KCNH2: variants seen among roughly 807,000 people sequenced by gnomAD.
KCNH2 encodes the protein potassium voltage-gated channel subfamily H member 2.
A neutral mutation model predicts 95.9 loss-of-function variants in KCNH2; 35 were observed. The observed-to-expected ratio is 0.37, with a 90% CI of 0.28 to 0.48. The LOEUF (loss-of-function observed/expected upper bound fraction) is 0.48. Among genes scored for constraint, KCNH2 ranks in the 20% least tolerant of loss-of-function variants. The pLI is 0.99. For missense variants in KCNH2, 1,274 were observed against 1,702.9 expected (o/e 0.75, Z 4.43); for synonymous variants, 786 against 754.7 (o/e 1.04, Z -0.68).
At position 150,948,900 on chromosome 7, in the gene KCNH2, C is replaced by T. The variant is rs1036885088; in HGVS notation, c.2548G>A (p.Asp850Asn). ...ATCTCCAGGCTGGACCAGAAGTGGT[C>T]GGAGAACTCAGGGTACATGTCCAGC... ...EVLDMYPEFS[D>N]HFWSSLEITF... The change falls in exon 10 of 15, where the codon GAC becomes AAC. Residue 850 changes from aspartate (D) to asparagine (N), a missense_variant. Physicochemically the swap from Asp to Asn is conservative, Grantham distance 23. Transcript: ENST00000262186. The T allele has an allele frequency of 3.1e-6, 5 of 1,614,180 alleles. No individual in the cohort carries two copies. Among genetic ancestry groups the T allele is most frequent in the East Asian group, 4.5e-5 (2 of 44,886 alleles).
intron 5 of KCNH2, chr7:150,955,783 C>T: frequency 8.4e-7 from 1 of 1,191,794 alleles, no homozygotes; most frequent in East Asian, 3.7e-5. Context: ...GCCCGCCCGC[C>T]AGCCCAGCAG....
At chr7:150,953,096 A>G (rs1429328140) in intron 5 of KCNH2, among the ~76,000 whole-genome samples, 2 of 152,166 alleles carry the variant, frequency 1.3e-5, no homozygotes, top group African/African-American at 4.8e-5. Flanking sequence ...TTCCCGGCAG[A>G]CGTGGATTCA....
rs762109398 is a variant in KCNH2, at chr7:150,945,351, ACTGGGCAGC to A, written c.*5_*13del. 1 of 1,582,648 alleles carries A rather than the reference ACTGGGCAGC, an allele frequency of 6.3e-7. No individual in the cohort carries two copies. Among genetic ancestry groups the A allele is most frequent in the South Asian group, 1.2e-5 (1 of 86,642 alleles). ...ATCCCTGGGTGAGCCACGTGTCCACACTGGGCAGCCCCACTAACTGCCCGGGTCCGAGCC... is the reference window on the plus strand; with the variant it reads ...ATCCCTGGGTGAGCCACGTGTCCACACCCACTAACTGCCCGGGTCCGAGCC... On this transcript the variant is annotated 3_prime_UTR_variant, in exon 15 of 15. Transcript: ENST00000262186. This position sits in a 1 kb window ranked among gnomAD's most constrained non-coding sequence, Gnocchi z 5.6.
chr7:150,974,624 C>CCCA, intron 2 of KCNH2, 87 bp downstream of exon 2: 1 of 896,834 alleles, frequency 1.1e-6, no homozygotes, highest in Non-Finnish European at 1.7e-6. Context: ...CCCACACCCC[C>CCCA]ACACCCCCAC....
chr7:150,949,453 G>C lies in KCNH2; in HGVS notation c.2399-404C>G, dbSNP rs998965806. 8 of 668,528 alleles carry C rather than the reference G, an allele frequency of 1.2e-5. No individual in the cohort carries two copies. The African/African-American group carries it at 1.8e-4, about 15-fold the overall frequency. The allele number at this position is 668,528 out of a possible 1,614,324, so 41.4% of individuals were successfully genotyped here. ...TTTTTTACTGAAAGAACATACAGTA[G>C]TATAGCTTAGCACAGCACAGAACAG... On this transcript the variant is annotated intron_variant, in intron 9 of 14. Transcript: ENST00000262186.
At position 150,947,377 on chromosome 7, in the gene KCNH2, G is replaced by C; in HGVS notation, c.3103C>G (p.Arg1035Gly). 6.5e-7 allele frequency: 1 copy of C among 1,548,232 alleles called. No homozygotes were observed. The highest frequency in any genetic ancestry group is 8.7e-7 in the Non-Finnish European group (1 of 1,147,072). Reference sequence around the variant, plus strand: ...TCCAGCCTGCTCTCCACGTCGCCCCGGGGCCGCCGACCCGGGCTGGAGAGG... The same window carrying C: ...TCCAGCCTGCTCTCCACGTCGCCCCCGGGCCGCCGACCCGGGCTGGAGAGG... ...IPLSSPGRRP[R>G]GDVESRLDAL... The change falls in exon 13 of 15, where the codon CGG becomes GGG. Residue 1035 changes from arginine to glycine, a missense_variant. Arg to Gly is a moderately radical substitution (Grantham distance 125, BLOSUM62 -2). Around this residue, in one of 7 missense-constraint regions of KCNH2, gnomAD observed 457 missense variants for 416.1 expected, o/e 1.10. Transcript: ENST00000262186.
rs1460365886 is a variant in KCNH2 at position 150,948,985 on chromosome 7, A to T, written c.2463T>A (p.Asp821Glu). ...GGTCACAGTAGGTGAGGGCCCGCAC[A>T]TCCCCGTTCGACTTGCCAGGCCTTG... Reference protein sequence around the residue: ...LYARPGKSNGDVRALTYCDLH... With the variant: ...LYARPGKSNGEVRALTYCDLH... Residue 821 changes from aspartate to glutamate, a missense_variant, in exon 10 of 15, where the codon GAT (aspartate) becomes GAA (glutamate). This residue lies in a region of KCNH2 where 159 missense variants were observed against 282.5 expected (regional missense o/e 0.56). Coordinates refer to ENST00000262186, the MANE Select transcript of KCNH2 (RefSeq NM_000238.4). 6.2e-7 allele frequency: 1 copy of T among 1,614,064 alleles called. No homozygotes were observed. The highest frequency in any genetic ancestry group is 8.5e-7 in the Non-Finnish European group (1 of 1,180,024).
intron 5 of KCNH2, among the ~76,000 whole-genome samples, chr7:150,953,555 G>A (rs1258638283): frequency 6.6e-6 from 1 of 152,144 alleles, no homozygotes; most frequent in Non-Finnish European, 1.5e-5. Context: ...CACAGGGACT[G>A]CTCAGCAGTG....
intron 2 of KCNH2, among the ~76,000 whole-genome samples, chr7:150,965,279 T>C (rs1315084719): frequency 6.6e-6 from 1 of 151,990 alleles, no homozygotes; most frequent in Non-Finnish European, 1.5e-5. Flanking sequence ...GCCGCTGTAG[T>C]CATCTAGACC....
At chr7:150,971,279 G>A (rs930989752) in intron 2 of KCNH2, among the ~76,000 whole-genome samples, 5 of 152,286 alleles carry the variant, frequency 3.3e-5, no homozygotes, top group South Asian at 4.1e-4. Context: ...GGGACAGACC[G>A]AAGCCCACTG....
rs767800506 is a variant in KCNH2, at chr7:150,951,456, A to G, written c.1937T>C (p.Leu646Pro). The G allele has an allele frequency of 6.2e-7, 1 of 1,614,072 alleles. No individual in the cohort carries two copies. The highest frequency in any genetic ancestry group is 8.5e-7 in the Non-Finnish European group (1 of 1,180,042). Residue 646 changes from leucine to proline, a missense_variant, in exon 7 of 15, where the codon CTC (leucine) becomes CCC (proline). By Grantham distance (98) the Leu-to-Pro change is moderately conservative (BLOSUM62 -3). Around this residue, in one of 7 missense-constraint regions of KCNH2, gnomAD observed 147 missense variants for 344.4 expected, o/e 0.43. Coordinates refer to ENST00000262186, the MANE Select transcript of KCNH2 (RefSeq NM_000238.4). ...CCCCTGGGCACACTCACAGCCAATGAGCATGACGCAGATGGAGAAGATCTT... is the reference window on the plus strand; with the variant it reads ...CCCCTGGGCACACTCACAGCCAATGGGCATGACGCAGATGGAGAAGATCTT... ...SEKIFSICVM[L>P]IGSLMYASIF...
Position 150,958,417 on chromosome 7 carries a change from G to T in KCNH2, c.558C>A (p.Gly186=). Residue 186 remains glycine (G), a synonymous_variant, in exon 4 of 15, where the codon GGC becomes GGA. Coordinates refer to ENST00000262186, the MANE Select transcript of KCNH2 (RefSeq NM_000238.4). ...RESSVRSGGA[G]GAGAPGAVVV... ...CCACGGCCCCCGGGGCGCCCGCGCC[G>T]CCCGCGCCGCCCGACCGCACCGACG... The T allele has an allele frequency of 6.9e-7, 1 of 1,439,032 alleles. No homozygotes were observed. The highest frequency in any genetic ancestry group is 1.4e-5 in the South Asian group (1 of 71,368). The allele number at this position is 1,439,032 out of a possible 1,614,324, so 89.1% of individuals were successfully genotyped here.
Position 150,947,473 on chromosome 7 carries a change from C to G in KCNH2, c.3007G>C (p.Asp1003His), listed in dbSNP as rs794728402. 1.9e-6 allele frequency: 3 copies of G among 1,577,238 alleles called. No individual in the cohort carries two copies. Among genetic ancestry groups the G allele is most frequent in the Admixed American group, 3.7e-5 (2 of 53,568 alleles). ...GVSNIFSFWG[D>H]SRGRQYQELP... ...TCCTGGTACTGGCGGCCCCGACTGT[C>G]CCCCCAGAAGCTGAAAATGTTGGAC... The change falls in exon 13 of 15, where the codon GAC (aspartate) becomes CAC (histidine). Residue 1003 changes from aspartate (D) to histidine (H), a missense_variant. Asp to His is a moderately conservative substitution (Grantham distance 81). Around this residue, in one of 7 missense-constraint regions of KCNH2, gnomAD observed 457 missense variants for 416.1 expected, o/e 1.10. Transcript: ENST00000262186.
chr7:150,972,918 A>C (rs1451125082), intron 2 of KCNH2, among the ~76,000 whole-genome samples: 1 of 152,226 alleles, frequency 6.6e-6, no homozygotes, highest in East Asian at 1.9e-4. Flanking sequence ...CCACAGCCAA[A>C]GGAAAGAGCC....
intron 5 of KCNH2, chr7:150,956,000 A>C: frequency 7.8e-6 from 2 of 255,326 alleles, no homozygotes; most frequent in Non-Finnish European, 1.2e-5. Context: ...CCGCAGATTA[A>C]TGGTCTCCCT....
intron 3 of KCNH2, among the ~76,000 whole-genome samples, chr7:150,959,313 A>C (rs772257267): frequency 4.6e-5 from 7 of 152,168 alleles, no homozygotes; most frequent in Non-Finnish European, 1.0e-4. Flanking sequence ...CAACAGATGA[A>C]GCTAGGGAAA....
chr7:150,959,624 G>A lies in KCNH2; in HGVS notation c.420C>T (p.Ser140=), dbSNP rs1021646735. ...CCCGGTGGTTGGTGTCATGAGCCGG[G>A]GACCCCACCATGTCCTTCTCCATCA... The part of the protein sequence containing the change: ...EVVMEKDMVG[S]PAHDTNHRGP... The change falls in exon 3 of 15, where the codon TCC becomes TCT. Residue 140 remains serine (S), a synonymous_variant. Coordinates refer to ENST00000262186, the MANE Select transcript of KCNH2 (RefSeq NM_000238.4). The A allele has an allele frequency of 3.1e-6, 5 of 1,614,086 alleles. No individual in the cohort carries two copies. Among genetic ancestry groups the A allele is most frequent in the Non-Finnish European group, 4.2e-6 (5 of 1,180,000 alleles).
At chr7:150,949,500 G>T in intron 9 of KCNH2, 1 of 750,834 alleles carries the variant, frequency 1.3e-6, no homozygotes, top group Non-Finnish European at 1.7e-6. Context: ...TGAACCACAT[G>T]CAGTAAGGCC....
At position 150,952,650 on chromosome 7, in the gene KCNH2, C is replaced by T. The variant is rs9770044; in HGVS notation, c.1332G>A (p.Glu444=). 2.0e-3 allele frequency: 3,269 copies of T among 1,614,220 alleles called. 77 individuals are homozygous for T. In the African/African-American group the frequency reaches 0.04, roughly 20 times the overall value. ...KETEEGPPAT[E]CGYACQPLAV... is the part of the protein sequence containing the mutation. ...CCAGCGGCTGGCAGGCGTAGCCACACTCGGTAGCAGGCGGGCCTTCTTCCG... is the reference window on the plus strand; with the variant it reads ...CCAGCGGCTGGCAGGCGTAGCCACATTCGGTAGCAGGCGGGCCTTCTTCCG... Residue 444 remains glutamate (E), a synonymous_variant, in exon 6 of 15, where the codon GAG becomes GAA. Coordinates refer to ENST00000262186, the MANE Select transcript of KCNH2 (RefSeq NM_000238.4). The surrounding 1 kb of genome is among the most constrained non-coding windows in gnomAD (Gnocchi z 7.3).
Sources: gnomAD v4.1 joint callset for allele counts (sites outside exome capture counted in the v4.1 genomes callset) on GRCh38, gnomAD v4.1.1 for gene constraint, gnomAD v4.1.1 regional missense constraint, Gnocchi (gnomAD v3.1) non-coding constraint, MANE v1.5 for transcripts, NCBI Gene and HGNC (gene_info 2026-07-23, HGNC 2026-07-21) for gene names.